PEBP4: variants seen among roughly 807,000 people sequenced by gnomAD.
The protein encoded by PEBP4 is phosphatidylethanolamine binding protein 4, also known as phosphatidylethanolamine-binding protein 4.
Under a neutral mutation model 23.9 loss-of-function variants are expected in PEBP4, and 22 were observed. The ratio of observed to expected loss-of-function variants is 0.92; its 90% confidence interval spans 0.66 to 1.31. The LOEUF is 1.31. Among genes scored for constraint, PEBP4 ranks in the 40% most tolerant of loss-of-function variants. The pLI is 0.00. For synonymous variants in PEBP4, 112 were observed against 99.3 expected (o/e 1.13, Z -0.76); for missense variants, 324 against 281.7 (o/e 1.15, Z -1.07).
intron 4 of PEBP4, among the ~76,000 whole-genome samples, chr8:22,786,736 C>T (rs1216179413): frequency 6.6e-6 from 1 of 152,116 alleles, no homozygotes; most frequent in East Asian, 1.9e-4. Context: ...CATCAGAGCA[C>T]ACTTCATACA....
intron 3 of PEBP4, among the ~76,000 whole-genome samples, chr8:22,889,473 AG>A (rs1808448518): frequency 6.6e-6 from 1 of 152,198 alleles, no homozygotes; most frequent in Non-Finnish European, 1.5e-5. Flanking sequence ...CTCAGAGTTT[AG>A]GGAGATGGTA....
intron 3 of PEBP4, among the ~76,000 whole-genome samples, chr8:22,872,366 C>G (rs1808023093): frequency 6.6e-6 from 1 of 152,216 alleles, no homozygotes; most frequent in South Asian, 2.1e-4. Context: ...GCCACACCTC[C>G]TGGCCTAGGG....
intron 3 of PEBP4, among the ~76,000 whole-genome samples, chr8:22,881,993 G>T (rs943787811): frequency 4.6e-5 from 7 of 152,282 alleles, no homozygotes; most frequent in Middle Eastern, 3.4e-3. Context: ...GCCATCCCTG[G>T]CTCAATGGGG....
intron 3 of PEBP4, among the ~76,000 whole-genome samples, chr8:22,893,101 A>T (rs1011189517): frequency 6.6e-6 from 1 of 152,220 alleles, no homozygotes; most frequent in African/African-American, 2.4e-5. Context: ...TCCCTGAAAG[A>T]AACAGACAGA....
At chr8:22,900,805 G>T (rs1394936364) in intron 3 of PEBP4, among the ~76,000 whole-genome samples, 1 of 152,060 alleles carries the variant, frequency 6.6e-6, no homozygotes, top group African/African-American at 2.4e-5. Context: ...ACACCAGAAG[G>T]CATTTTATAT....
chr8:22,715,625 A>G (rs1274918035), intron 6 of PEBP4, among the ~76,000 whole-genome samples: 3 of 152,338 alleles, frequency 2.0e-5, no homozygotes, highest in South Asian at 2.1e-4. Context: ...GCTCCCCTCA[A>G]TAGTTCGGAA....
chr8:22,809,331 G>C (rs374955886), intron 4 of PEBP4, among the ~76,000 whole-genome samples: 114 of 152,242 alleles, frequency 7.5e-4, no homozygotes, highest in African/African-American at 2.6e-3. Flanking sequence ...TTGGAGCCCC[G>C]GTCCAGGGCT....
intron 3 of PEBP4, among the ~76,000 whole-genome samples, chr8:22,864,269 C>T (rs1807837953): frequency 6.6e-6 from 1 of 152,228 alleles, no homozygotes; most frequent in African/African-American, 2.4e-5. Flanking sequence ...CCCCTTCCCT[C>T]CCTCCTTGCC....
chr8:22,801,606 G>A (rs563725937), intron 4 of PEBP4, among the ~76,000 whole-genome samples: 3 of 152,224 alleles, frequency 2.0e-5, no homozygotes, highest in Admixed American at 2.0e-4. Context: ...GATTTTTTGG[G>A]GAGAAATGTG....
chr8:22,749,296 G>C (rs935584175), intron 4 of PEBP4, among the ~76,000 whole-genome samples: 1 of 152,192 alleles, frequency 6.6e-6, no homozygotes, highest in Non-Finnish European at 1.5e-5. Context: ...CTGGTTACTT[G>C]GTGCTTCCTC....
At chr8:22,781,590 G>C (rs1805916284) in intron 4 of PEBP4, among the ~76,000 whole-genome samples, 2 of 152,090 alleles carry the variant, frequency 1.3e-5, no homozygotes, top group African/African-American at 4.8e-5. Context: ...CAAGGCCTGG[G>C]CGGGGGTAGG....
chr8:22,770,657 G>A (rs1319286069), intron 4 of PEBP4, among the ~76,000 whole-genome samples: 1 of 152,230 alleles, frequency 6.6e-6, no homozygotes, highest in African/African-American at 2.4e-5. Context: ...AAGACACCCT[G>A]CCCAGGCTGA....
chr8:22,737,031 C>T (rs576092954), intron 4 of PEBP4, among the ~76,000 whole-genome samples: 11 of 152,298 alleles, frequency 7.2e-5, no homozygotes, highest in East Asian at 3.9e-4. Flanking sequence ...TGGTGGCTCA[C>T]GCCTGTAATT....
chr8:22,866,622 A>G (rs1807907595), intron 3 of PEBP4, among the ~76,000 whole-genome samples: 7 of 151,482 alleles, frequency 4.6e-5, no homozygotes, highest in Admixed American at 4.6e-4. Flanking sequence ...GCTTAACTAT[A>G]TAGCCTTAAG....
intron 3 of PEBP4, among the ~76,000 whole-genome samples, chr8:22,904,573 A>G (rs1050942168): frequency 6.6e-6 from 1 of 152,236 alleles, no homozygotes. Flanking sequence ...ACATATGGAA[A>G]TTACAGACAA....
intron 4 of PEBP4, among the ~76,000 whole-genome samples, chr8:22,805,526 A>G (rs7821594): frequency 0.42 from 64,249 of 152,052 alleles, 13,941 homozygotes; most frequent in East Asian, 0.63. Flanking sequence ...GAGTTTCTCC[A>G]TGTTGGTCAG....
intron 4 of PEBP4, among the ~76,000 whole-genome samples, chr8:22,734,225 G>A (rs1804803889): frequency 6.6e-6 from 1 of 152,222 alleles, no homozygotes. Context: ...CCTAACGCCA[G>A]CCTAGAGAAG....
intron 4 of PEBP4, among the ~76,000 whole-genome samples, chr8:22,794,889 T>C (rs1806211059): frequency 6.6e-6 from 1 of 152,062 alleles, no homozygotes; most frequent in Non-Finnish European, 1.5e-5. Flanking sequence ...TCCATTTACT[T>C]ACTTTGATTA....
chr8:22,799,065 A>G (rs1021402006), intron 4 of PEBP4, among the ~76,000 whole-genome samples: 3 of 152,092 alleles, frequency 2.0e-5, no homozygotes, highest in South Asian at 2.1e-4. Flanking sequence ...CCTGGATACA[A>G]TAAAAATACT....
Sources: gnomAD v4.1 joint callset for allele counts (sites outside exome capture counted in the v4.1 genomes callset) on GRCh38, gnomAD v4.1.1 for gene constraint, MANE v1.5 for transcripts, NCBI Gene and HGNC (gene_info 2026-07-23, HGNC 2026-07-21) for gene names.